Variants in SHROOM4 observed in about 807,000 individuals in gnomAD.
The protein encoded by SHROOM4 is shroom family member 4.
SHROOM4 carries 17 observed loss-of-function variants against 80.3 expected under a neutral mutation model. The ratio of observed to expected loss-of-function variants is 0.21; its 90% CI spans 0.14 to 0.32. SHROOM4 has a LOEUF of 0.32. Among genes scored for constraint, SHROOM4 ranks in the 10% least tolerant of loss-of-function variants. SHROOM4 has a pLI of 1.00. For missense variants in SHROOM4, 993 were observed against 1,140.3 expected (o/e 0.87, Z 1.86); for synonymous variants, 400 against 437.5 (o/e 0.91, Z 1.07).
intron 7 of SHROOM4, among the ~76,000 whole-genome samples, chrX:50,600,708 C>G (rs1406499818): frequency 2.7e-5 from 3 of 111,656 alleles, no homozygotes; most frequent in African/African-American, 9.8e-5. Flanking sequence ...CCTCCAGGTT[C>G]CAAGACCTGT....
At chrX:50,597,316 G>T (rs1395740350) in intron 8 of SHROOM4, among the ~76,000 whole-genome samples, 2 of 112,099 alleles carry the variant, frequency 1.8e-5, no homozygotes, top group Non-Finnish European at 3.8e-5. Flanking sequence ...CACTGTGGAG[G>T]TGCTTTCTGT....
At chrX:50,623,479 C>T (rs1481247555) in intron 5 of SHROOM4, among the ~76,000 whole-genome samples, 3 of 111,678 alleles carry the variant, frequency 2.7e-5, no homozygotes, top group African/African-American at 6.5e-5. Context: ...TGAGCCACCG[C>T]GCCGGGCCCC....
At chrX:50,616,065 G>A (rs1351819640) in intron 5 of SHROOM4, among the ~76,000 whole-genome samples, 1 of 112,074 alleles carries the variant, frequency 8.9e-6, no homozygotes, top group African/African-American at 3.2e-5. Flanking sequence ...CAAAAGATGA[G>A]GTGCTTGTCT....
At chrX:50,652,093 T>C (rs1932108160) in intron 2 of SHROOM4, among the ~76,000 whole-genome samples, 1 of 112,102 alleles carries the variant, frequency 8.9e-6, no homozygotes, top group Non-Finnish European at 1.9e-5. Flanking sequence ...TTTGGGTATA[T>C]ATCCAGTAAT....
intron 1 of SHROOM4, among the ~76,000 whole-genome samples, chrX:50,731,474 C>A (rs1302162922): frequency 8.9e-6 from 1 of 111,999 alleles, no homozygotes; most frequent in African/African-American, 3.3e-5. Context: ...TTCCAGGTGA[C>A]TGAGGTCAAG....
Position 50,638,171 on chromosome X carries a change from C to A in SHROOM4, c.404+3G>T. The A allele has an allele frequency of 1.7e-6, 2 of 1,204,907 alleles. No homozygotes were observed. Among genetic ancestry groups the A allele is most frequent in the African/African-American group, 1.7e-5 (1 of 57,681 alleles). ...TGTCTTGAGGGGAGGGCTCTAGACTCACCTTGTGTTGCAGCCAGAATGCCA... is the reference window on the plus strand; with the variant it reads ...TGTCTTGAGGGGAGGGCTCTAGACTAACCTTGTGTTGCAGCCAGAATGCCA... On this transcript the variant is annotated splice_donor_region_variant and intron_variant, in intron 3 of 8. Transcript: ENST00000376020.
intron 2 of SHROOM4, among the ~76,000 whole-genome samples, chrX:50,658,809 G>A (rs1437214627): frequency 3.6e-5 from 4 of 111,292 alleles, no homozygotes; most frequent in Non-Finnish European, 1.9e-5. Context: ...ATTAGCCATG[G>A]GGAGATCTGG....
intron 2 of SHROOM4, among the ~76,000 whole-genome samples, chrX:50,652,938 G>T (rs782272546): frequency 9.0e-6 from 1 of 111,166 alleles, no homozygotes; most frequent in African/African-American, 3.3e-5. Flanking sequence ...ATCTGTTTTG[G>T]TACCAGTACC....
At chrX:50,692,081 TA>T (rs1370898007) in intron 2 of SHROOM4, among the ~76,000 whole-genome samples, 1 of 111,776 alleles carries the variant, frequency 8.9e-6, no homozygotes, top group African/African-American at 3.3e-5. Context: ...TCCAAGCCCA[TA>T]ATTATAGCCA....
Position 50,596,562 on chromosome X carries a change from G to A in SHROOM4, c.*133C>T, listed in dbSNP as rs1345343986. The stretch of plus-strand genomic sequence containing the variant: ...GGACCACTGCTAGGGAAGGGGTAGT[G>A]AGAGACATCCAGGGTAGAGGGCTGG... On this transcript the variant is annotated 3_prime_UTR_variant, in exon 9 of 9. Transcript: ENST00000376020. 1 of 895,190 alleles carries A rather than the reference G, an allele frequency of 1.1e-6. No individual in the cohort carries two copies. Among genetic ancestry groups the A allele is most frequent in the Non-Finnish European group, 1.6e-6 (1 of 632,320 alleles). The allele number at this position is 895,190 out of a possible 1,213,427, so 73.8% of individuals were successfully genotyped here. A position where few individuals can be genotyped will look rare whatever the true frequency, so the allele number is the denominator to read the frequency against.
At chrX:50,723,373 G>T (rs868973702) in intron 1 of SHROOM4, among the ~76,000 whole-genome samples, 1 of 45,559 alleles carries the variant, frequency 2.2e-5, no homozygotes, top group African/African-American at 6.4e-5. Context: ...AAGGAGGGAG[G>T]GAGGGAGGGA....
chrX:50,615,464 G>T (rs1305711020), intron 5 of SHROOM4, among the ~76,000 whole-genome samples: 1 of 111,065 alleles, frequency 9.0e-6, no homozygotes, highest in African/African-American at 3.3e-5. Flanking sequence ...TCCTCTAACA[G>T]CACCCATTAA....
At chrX:50,716,301 T>C (rs1470671140) in intron 1 of SHROOM4, among the ~76,000 whole-genome samples, 4 of 111,192 alleles carry the variant, frequency 3.6e-5, no homozygotes, top group Non-Finnish European at 7.5e-5. Flanking sequence ...ATAGTGACTA[T>C]AGTTAGAACA....
chrX:50,712,167 G>C (rs782331848), intron 1 of SHROOM4, among the ~76,000 whole-genome samples: 89 of 111,982 alleles, frequency 7.9e-4, no homozygotes, highest in African/African-American at 2.8e-3. Flanking sequence ...AAATTCTTTT[G>C]TGTCAGCTTC....
At chrX:50,628,717 T>C (rs1320698291) in intron 4 of SHROOM4, among the ~76,000 whole-genome samples, 29 of 111,975 alleles carry the variant, frequency 2.6e-4, no homozygotes, top group African/African-American at 9.1e-4. Flanking sequence ...TTTGAGGTTA[T>C]TCATATTACC....
intron 1 of SHROOM4, among the ~76,000 whole-genome samples, chrX:50,785,082 G>C (rs1168541294): frequency 1.8e-5 from 2 of 111,593 alleles, no homozygotes; most frequent in Non-Finnish European, 3.8e-5. Context: ...ATATCTATTA[G>C]ACTGGCTAAA....
intron 1 of SHROOM4, among the ~76,000 whole-genome samples, chrX:50,776,994 A>T (rs1321312252): frequency 1.8e-5 from 2 of 111,566 alleles, no homozygotes; most frequent in African/African-American, 6.5e-5. Flanking sequence ...GCCTCTCTAT[A>T]GACTTTCAAG....
intron 2 of SHROOM4, among the ~76,000 whole-genome samples, chrX:50,644,225 G>A (rs1931734350): frequency 8.9e-6 from 1 of 112,432 alleles, no homozygotes; most frequent in South Asian, 3.7e-4. Context: ...CAGAAAAGGT[G>A]CCCATTAGCA....
intron 1 of SHROOM4, among the ~76,000 whole-genome samples, chrX:50,745,221 C>T (rs1934748853): frequency 9.0e-6 from 1 of 111,080 alleles, no homozygotes; most frequent in Non-Finnish European, 1.9e-5. Flanking sequence ...CTTCTAGCTG[C>T]TACTAATATG....
Sources: gnomAD v4.1 joint callset for allele counts (sites outside exome capture counted in the v4.1 genomes callset) on GRCh38, gnomAD v4.1.1 for gene constraint, MANE v1.5 for transcripts, NCBI Gene and HGNC (gene_info 2026-07-23, HGNC 2026-07-21) for gene names.